Variants in LOC400499 observed in about 807,000 individuals in gnomAD.
At chr16:11,444,768 G>C in the LOC400499 span, among the ~76,000 whole-genome samples, 2 of 152,106 alleles carry the variant, frequency 1.3e-5, no homozygotes, top group Non-Finnish European at 2.9e-5. Flanking sequence ...AGAGGAGCCA[G>C]GGATTGATGG....
the LOC400499 span, among the ~76,000 whole-genome samples, chr16:11,378,357 G>A: frequency 4.7e-5 from 7 of 150,062 alleles, no homozygotes; most frequent in African/African-American, 9.8e-5. Context: ...TCTGCCTCCC[G>A]GGTTCAAGTG....
the LOC400499 span, among the ~76,000 whole-genome samples, chr16:11,441,233 G>A: frequency 3.8e-3 from 579 of 152,316 alleles, 7 homozygotes; most frequent in African/African-American, 0.014. Context: ...GGCAGGAAGC[G>A]GGGATGGGTA....
chr16:11,507,819 A>C, the LOC400499 span, among the ~76,000 whole-genome samples: 3 of 152,070 alleles, frequency 2.0e-5, no homozygotes, highest in African/African-American at 7.3e-5. Context: ...CTGCAGTCCC[A>C]GGTACTCTGG....
the LOC400499 span, chr16:11,449,128 G>T: frequency 1.4e-6 from 2 of 1,417,482 alleles, no homozygotes; most frequent in Non-Finnish European, 9.4e-7. Context: ...GTGAGGAGGG[G>T]GACCAAGGCC....
At chr16:11,425,336 GGT>G in the LOC400499 span, 1 of 399,222 alleles carries the variant, frequency 2.5e-6, no homozygotes, top group South Asian at 1.3e-4. Context: ...CAAGGACACA[GGT>G]CACGCTGCGC....
chr16:11,417,913 C>T, the LOC400499 span: 13 of 398,120 alleles, frequency 3.3e-5, no homozygotes, highest in East Asian at 4.6e-4. Flanking sequence ...GGCACTGGCT[C>T]CCACAAACCC....
the LOC400499 span, among the ~76,000 whole-genome samples, chr16:11,420,381 G>A: frequency 6.8e-6 from 1 of 147,918 alleles, no homozygotes; most frequent in African/African-American, 2.5e-5. Flanking sequence ...ACTCATAGAT[G>A]GGAATTGAAC....
the LOC400499 span, chr16:11,446,421 T>G: frequency 2.5e-6 from 2 of 812,320 alleles, no homozygotes; most frequent in Non-Finnish European, 3.9e-6. Flanking sequence ...GCCTCCTGCG[T>G]AGCTAAGATT....
At chr16:11,457,144 C>T in the LOC400499 span, 55 of 1,098,018 alleles carry the variant, frequency 5.0e-5, no homozygotes, top group Middle Eastern at 2.8e-4. Context: ...TGCACTACTG[C>T]ACTCCACACG....
the LOC400499 span, chr16:11,460,569 T>G: frequency 1.3e-6 from 2 of 1,535,538 alleles, no homozygotes; most frequent in Non-Finnish European, 1.7e-6. Flanking sequence ...GCCCGCAGCT[T>G]CTGGCTGGTG....
At chr16:11,477,353 A>G in the LOC400499 span, among the ~76,000 whole-genome samples, 1 of 152,238 alleles carries the variant, frequency 6.6e-6, no homozygotes, top group Non-Finnish European at 1.5e-5. Context: ...CAGCAGCACC[A>G]TGACAGGTTC....
chr16:11,398,666 A>ATTT, the LOC400499 span, among the ~76,000 whole-genome samples: 29 of 147,548 alleles, frequency 2.0e-4, no homozygotes, highest in Middle Eastern at 3.6e-3. Flanking sequence ...CTGCGGCAGG[A>ATTT]TTTTTTTTTT....
the LOC400499 span, among the ~76,000 whole-genome samples, chr16:11,461,481 G>T: frequency 4.6e-5 from 7 of 152,152 alleles, no homozygotes; most frequent in East Asian, 1.9e-4. Context: ...TTAGCTTCCC[G>T]AAGTGCTGGG....
chr16:11,391,535 G>T, the LOC400499 span: 1 of 731,064 alleles, frequency 1.4e-6, no homozygotes, highest in Non-Finnish European at 1.9e-6. Flanking sequence ...CTGGGCTACA[G>T]GCCCATGGGA....
chr16:11,380,639 G>A, the LOC400499 span, among the ~76,000 whole-genome samples: 11 of 151,940 alleles, frequency 7.2e-5, no homozygotes, highest in Admixed American at 5.9e-4. Flanking sequence ...TAATTATAAC[G>A]GGTGACTGCT....
chr16:11,514,384 C>G, the LOC400499 span: 1 of 399,262 alleles, frequency 2.5e-6, no homozygotes, highest in Non-Finnish European at 4.4e-6. Context: ...CTTGGGGCAT[C>G]TCGTGCAGCA....
the LOC400499 span, among the ~76,000 whole-genome samples, chr16:11,435,333 T>C: frequency 6.6e-5 from 10 of 151,984 alleles, no homozygotes; most frequent in East Asian, 9.7e-4. Context: ...AAGCTGCTCT[T>C]GAGCTCCTGA....
At chr16:11,438,607 C>CAAAAAAA in the LOC400499 span, among the ~76,000 whole-genome samples, 1 of 59,850 alleles carries the variant, frequency 1.7e-5, no homozygotes, top group African/African-American at 7.6e-5. Context: ...CCTGTCTCTG[C>CAAAAAAA]AAAAAAAAAA....
At chr16:11,440,684 C>T in the LOC400499 span, 4 of 398,856 alleles carry the variant, frequency 1.0e-5, no homozygotes, top group East Asian at 7.1e-5. Context: ...TATTAAGACC[C>T]GGCCTCCCTC....
Sources: allele counts gnomAD v4.1 joint callset (sites outside exome capture counted in the v4.1 genomes callset), GRCh38; gene constraint gnomAD v4.1.1; transcripts MANE v1.5.